KCNH7: variants seen among roughly 807,000 people sequenced by gnomAD.
KCNH7 encodes potassium voltage-gated channel subfamily H member 7.
KCNH7 carries 49 observed loss-of-function variants against 120.8 expected under a neutral mutation model. That is an observed-to-expected ratio of 0.41 (90% CI 0.32 to 0.51). The LOEUF (loss-of-function observed/expected upper bound fraction) is 0.51. Ranked by LOEUF, KCNH7 falls within the 20% of genes least tolerant of loss-of-function variation. The probability of loss-of-function intolerance (pLI) is 0.38; values close to 1 mark genes in which losing one functional copy is unlikely to be tolerated. For synonymous variants in KCNH7, 547 were observed against 516.1 expected (o/e 1.06, Z -0.81); for missense variants, 1,097 against 1,446.6 (o/e 0.76, Z 3.92).
At chr2:162,749,853 G>A (rs2105428536) in intron 2 of KCNH7, among the ~76,000 whole-genome samples, 1 of 152,126 alleles carries the variant, frequency 6.6e-6, no homozygotes, top group East Asian at 1.9e-4. Context: ...TTGAATGAAA[G>A]GAAAAGAACA....
chr2:162,561,552 C>G (rs148263731), intron 2 of KCNH7, among the ~76,000 whole-genome samples: 68 of 152,310 alleles, frequency 4.5e-4, no homozygotes, highest in African/African-American at 1.4e-3. Context: ...TCTCCAGCAT[C>G]TCTTGTTTCC....
At chr2:162,668,366 C>T (rs1287673616) in intron 2 of KCNH7, among the ~76,000 whole-genome samples, 2 of 152,162 alleles carry the variant, frequency 1.3e-5, no homozygotes, top group Non-Finnish European at 2.9e-5. Context: ...ACTATGCTTC[C>T]AGTAAACTAC....
chr2:162,483,112 C>G (rs997332918), intron 6 of KCNH7, among the ~76,000 whole-genome samples: 1 of 152,074 alleles, frequency 6.6e-6, no homozygotes. Context: ...AAGTATATTC[C>G]TGATTTTAAC....
chr2:162,513,745 A>G (rs1691191432), intron 4 of KCNH7, among the ~76,000 whole-genome samples: 1 of 151,810 alleles, frequency 6.6e-6, no homozygotes, highest in Non-Finnish European at 1.5e-5. Context: ...TAGCAAATAT[A>G]ACTCAAAGAG....
intron 3 of KCNH7, among the ~76,000 whole-genome samples, chr2:162,525,551 A>C (rs1691671266): frequency 6.6e-6 from 1 of 152,070 alleles, no homozygotes; most frequent in East Asian, 2.0e-4. Flanking sequence ...ATATACACCT[A>C]ATTAAGTTTC....
chr2:162,517,100 T>C (rs759217315), intron 4 of KCNH7, among the ~76,000 whole-genome samples: 1 of 151,772 alleles, frequency 6.6e-6, no homozygotes, highest in Non-Finnish European at 1.5e-5. Context: ...GGATCCTTAA[T>C]TTCACTACTG....
intron 2 of KCNH7, among the ~76,000 whole-genome samples, chr2:162,773,708 T>G: frequency 6.6e-6 from 1 of 152,170 alleles, no homozygotes; most frequent in East Asian, 1.9e-4. Flanking sequence ...AGCCTGTCAT[T>G]TTGTAGCTGG....
intron 2 of KCNH7, among the ~76,000 whole-genome samples, chr2:162,749,619 T>A (rs984047853): frequency 6.6e-6 from 1 of 152,110 alleles, no homozygotes; most frequent in Non-Finnish European, 1.5e-5. Context: ...AATTGTAAAT[T>A]ATGTTAAGTA....
rs186838153 is a variant in KCNH7, at chr2:162,580,777, G to A, written c.308-43697C>T. Reference sequence around the variant, plus strand: ...AGAGCAGAGTCAGGGAGGTTGAGAAGAGTACTTGGTTTGGGGTAGGAAATA... The same window carrying A: ...AGAGCAGAGTCAGGGAGGTTGAGAAAAGTACTTGGTTTGGGGTAGGAAATA... On this transcript the variant is annotated intron_variant, in intron 2 of 15. Transcript: ENST00000332142. Among the ~76,000 whole-genome samples the A allele has an allele frequency of 3.3e-5, 5 of 152,094 alleles. No individual in the cohort carries two copies. In the East Asian group the frequency reaches 5.9e-4, roughly 18 times the overall value.
chr2:162,458,105 G>A (rs200443367), intron 6 of KCNH7, among the ~76,000 whole-genome samples: 4 of 100,678 alleles, frequency 4.0e-5, no homozygotes, highest in Admixed American at 1.2e-4. Context: ...GGCTATGTGC[G>A]TGTGTGTGTG....
chr2:162,569,436 C>G, intron 2 of KCNH7, among the ~76,000 whole-genome samples: 1 of 146,946 alleles, frequency 6.8e-6, no homozygotes, highest in African/African-American at 2.5e-5. Flanking sequence ...CTTTATTAGT[C>G]TTGCTAGCGG....
intron 2 of KCNH7, among the ~76,000 whole-genome samples, chr2:162,805,983 T>A (rs1320857080): frequency 1.3e-5 from 2 of 152,082 alleles, no homozygotes; most frequent in Admixed American, 1.3e-4. Context: ...AACTCAGGAA[T>A]GGAAAACCAA....
chr2:162,744,568 CTTTTTT>C (rs144013923), intron 2 of KCNH7, among the ~76,000 whole-genome samples: 1 of 115,320 alleles, frequency 8.7e-6, no homozygotes, highest in South Asian at 2.7e-4. Context: ...ATTCACAGAA[CTTTTTT>C]TTTTTTTTTT....
At chr2:162,752,461 T>A (rs1220624677) in intron 2 of KCNH7, among the ~76,000 whole-genome samples, 1 of 152,222 alleles carries the variant, frequency 6.6e-6, no homozygotes, top group Non-Finnish European at 1.5e-5. Context: ...CATATCATAT[T>A]TTGAAAATCA....
chr2:162,433,405 A>G (rs1688134892), intron 8 of KCNH7, among the ~76,000 whole-genome samples: 1 of 152,114 alleles, frequency 6.6e-6, no homozygotes, highest in African/African-American at 2.4e-5. Context: ...TAACCAAAAC[A>G]GCATGGTACT....
At chr2:162,535,931 A>G (rs1448931385) in intron 3 of KCNH7, among the ~76,000 whole-genome samples, 1 of 151,876 alleles carries the variant, frequency 6.6e-6, no homozygotes, top group Non-Finnish European at 1.5e-5. Flanking sequence ...AGACTTTTTA[A>G]TAAATAATGT....
intron 2 of KCNH7, among the ~76,000 whole-genome samples, chr2:162,604,769 T>A (rs1694675238): frequency 6.6e-6 from 1 of 152,052 alleles, no homozygotes; most frequent in Non-Finnish European, 1.5e-5. Flanking sequence ...TTCATATCCA[T>A]CCCCTGCTCC....
chr2:162,441,362 A>G (rs1688409702), intron 7 of KCNH7, among the ~76,000 whole-genome samples: 1 of 152,182 alleles, frequency 6.6e-6, no homozygotes, highest in Admixed American at 6.5e-5. Flanking sequence ...CAATTTCACA[A>G]TTCATCTATC....
intron 2 of KCNH7, among the ~76,000 whole-genome samples, chr2:162,809,188 C>A (rs1008030924): frequency 6.6e-6 from 1 of 151,952 alleles, no homozygotes; most frequent in African/African-American, 2.4e-5. Flanking sequence ...ATTATTAAAC[C>A]CTGTATTGTA....
Sources: gnomAD v4.1 joint callset for allele counts (sites outside exome capture counted in the v4.1 genomes callset) on GRCh38, gnomAD v4.1.1 for gene constraint, MANE v1.5 for transcripts, NCBI Gene and HGNC (gene_info 2026-07-23, HGNC 2026-07-21) for gene names.